TFDP2: variants seen among roughly 807,000 people sequenced by gnomAD.
TFDP2 encodes the protein transcription factor Dp-2 (E2F dimerization partner 2).
TFDP2 carries 17 observed loss-of-function variants against 59.3 expected under a neutral mutation model. The ratio of observed to expected loss-of-function variants is 0.29; its 90% CI spans 0.20 to 0.43. The LOEUF (loss-of-function observed/expected upper bound fraction) is 0.43, where lower values mean the gene tolerates loss of function less well. TFDP2 is among the 20% of genes least tolerant of loss of function. The pLI is 1.00. For synonymous variants in TFDP2, 180 were observed against 194.7 expected, an observed-to-expected ratio of 0.92 and a Z score of 0.63; for missense variants, 391 against 528.8, an observed-to-expected ratio of 0.74 and a Z score of 2.56.
chr3:142,087,179 G>A (rs1237933619), intron 3 of TFDP2, among the ~76,000 whole-genome samples: 1 of 152,216 alleles, frequency 6.6e-6, no homozygotes, highest in African/African-American at 2.4e-5. Flanking sequence ...AGTAGGAGCA[G>A]AGACTAATAT....
intron 3 of TFDP2, among the ~76,000 whole-genome samples, chr3:142,079,867 C>A (rs538494309): frequency 6.6e-6 from 1 of 152,180 alleles, no homozygotes; most frequent in Non-Finnish European, 1.5e-5. Flanking sequence ...TCATCAACAC[C>A]AGACCTGTTC....
At chr3:142,115,756 A>G (rs982459197) in intron 1 of TFDP2, among the ~76,000 whole-genome samples, 1 of 152,170 alleles carries the variant, frequency 6.6e-6, no homozygotes, top group African/African-American at 2.4e-5. Flanking sequence ...TAGATTTACT[A>G]TTGCTGTTAA....
At chr3:142,070,216 T>C (rs1475576067) in intron 3 of TFDP2, among the ~76,000 whole-genome samples, 1 of 152,178 alleles carries the variant, frequency 6.6e-6, no homozygotes, top group Non-Finnish European at 1.5e-5. Flanking sequence ...CCAAACTTCT[T>C]TTTTTCAATC....
chr3:142,109,270 G>T (rs1192536477), intron 1 of TFDP2, among the ~76,000 whole-genome samples: 1 of 151,868 alleles, frequency 6.6e-6, no homozygotes, highest in African/African-American at 2.4e-5. Flanking sequence ...TGACTTGGCA[G>T]CAGAAAATGA....
chr3:142,069,636 C>T (rs1483796642), intron 3 of TFDP2, among the ~76,000 whole-genome samples: 2 of 147,502 alleles, frequency 1.4e-5, no homozygotes, highest in Non-Finnish European at 3.0e-5. Flanking sequence ...GACGGAGTTT[C>T]GCTCTTGTTG....
At chr3:141,956,052 C>A (rs1936581943) in intron 11 of TFDP2, among the ~76,000 whole-genome samples, 1 of 152,136 alleles carries the variant, frequency 6.6e-6, no homozygotes, top group Non-Finnish European at 1.5e-5. Context: ...AAGTGATATG[C>A]CTGCCTCAGC....
intron 3 of TFDP2, among the ~76,000 whole-genome samples, chr3:142,080,143 T>C (rs956590971): frequency 1.3e-5 from 2 of 152,146 alleles, no homozygotes; most frequent in African/African-American, 4.8e-5. Flanking sequence ...CTTGTATTTT[T>C]AGTAGAGATG....
rs142975848 is a variant in TFDP2 at position 142,088,417 on chromosome 3, A to G, written c.82+4644T>C. Among the ~76,000 whole-genome samples the G allele has an allele frequency of 2.1e-3, 305 of 145,458 alleles. 1 individual carries two copies. The East Asian group carries it at 0.023, about 11-fold the overall frequency. The stretch of plus-strand genomic sequence containing the variant: ...GTGATCTTGACGCACTGCAACCTCC[A>G]CCTCCCGGGTTCAGGTGATTCTTGT... On this transcript the variant is annotated intron_variant, in intron 3 of 12. Coordinates refer to ENST00000489671, the MANE Select transcript of TFDP2 (RefSeq NM_001178139.2).
intron 9 of TFDP2, among the ~76,000 whole-genome samples, chr3:141,969,525 T>C (rs1230659859): frequency 6.6e-6 from 1 of 151,698 alleles, no homozygotes; most frequent in Non-Finnish European, 1.5e-5. Context: ...AGGCAGAGAA[T>C]GGCTTGAACC....
intron 3 of TFDP2, among the ~76,000 whole-genome samples, chr3:142,057,111 C>A (rs1335127093): frequency 6.6e-6 from 1 of 152,128 alleles, no homozygotes; most frequent in Non-Finnish European, 1.5e-5. Context: ...GTGACCTCAG[C>A]AAGAATGAGG....
At chr3:141,973,995 C>T in intron 8 of TFDP2, 53 bp downstream of exon 8, 1 of 1,534,116 alleles carries the variant, frequency 6.5e-7, no homozygotes, top group Non-Finnish European at 8.8e-7. Flanking sequence ...ATTAAAATGC[C>T]TGTGATGTAA....
At chr3:141,986,274 T>G (rs1356272512) in intron 6 of TFDP2, among the ~76,000 whole-genome samples, 1 of 152,224 alleles carries the variant, frequency 6.6e-6, no homozygotes, top group Admixed American at 6.5e-5. Flanking sequence ...AGTTTTTAAA[T>G]GCAAATTTTC....
intron 3 of TFDP2, among the ~76,000 whole-genome samples, chr3:142,014,538 A>C (rs1431704340): frequency 6.6e-6 from 1 of 152,128 alleles, no homozygotes; most frequent in Non-Finnish European, 1.5e-5. Context: ...CTGTATGTAA[A>C]CTATACCTTA....
intron 3 of TFDP2, among the ~76,000 whole-genome samples, chr3:142,033,316 T>C (rs565884494): frequency 6.6e-6 from 1 of 152,386 alleles, no homozygotes; most frequent in East Asian, 1.9e-4. Flanking sequence ...ACACTGTAGA[T>C]ATAGAACATT....
At chr3:142,052,765 C>T (rs1006370009) in intron 3 of TFDP2, among the ~76,000 whole-genome samples, 4 of 152,066 alleles carry the variant, frequency 2.6e-5, no homozygotes, top group African/African-American at 9.7e-5. Flanking sequence ...AGTTCCGCCT[C>T]CCAAGTAGCT....
In TFDP2 at chr3:141,968,435, T is replaced by C. The variant is rs1243452067; in HGVS notation, c.732+1638A>G. On this transcript the variant is annotated intron_variant, in intron 9 of 12. Coordinates refer to ENST00000489671, the MANE Select transcript of TFDP2 (RefSeq NM_001178139.2). ...ATAACATATATATCTCATATATAGATATATATAACATATATATCTCATATA... is the reference window on the plus strand; with the variant it reads ...ATAACATATATATCTCATATATAGACATATATAACATATATATCTCATATA... Among the ~76,000 whole-genome samples the C allele has an allele frequency of 9.2e-5, 8 of 87,210 alleles. 1 individual carries two copies. Among genetic ancestry groups the C allele is most frequent in the African/African-American group, 3.6e-4 (7 of 19,524 alleles). The allele number at this position is 87,210 out of a possible 152,430, so 57.2% of individuals were successfully genotyped here. A position where few individuals can be genotyped will look rare whatever the true frequency, so the allele number is the denominator to read the frequency against.
At chr3:142,029,930 TG>T (rs1372991797) in intron 3 of TFDP2, among the ~76,000 whole-genome samples, 5 of 152,254 alleles carry the variant, frequency 3.3e-5, no homozygotes, top group African/African-American at 1.2e-4. Flanking sequence ...CTCTCCTAGA[TG>T]ACTAAGGTAC....
At chr3:142,003,838 T>C (rs1212810798) in intron 4 of TFDP2, among the ~76,000 whole-genome samples, 1 of 152,130 alleles carries the variant, frequency 6.6e-6, no homozygotes, top group East Asian at 1.9e-4. Flanking sequence ...AAAATGCACA[T>C]TAGTTCAAAC....
intron 3 of TFDP2, among the ~76,000 whole-genome samples, chr3:142,084,952 G>A (rs753044158): frequency 4.0e-5 from 6 of 151,636 alleles, no homozygotes; most frequent in South Asian, 2.1e-4. Context: ...ACAGAGACTC[G>A]CTCTGTCGCC....
Sources: gnomAD v4.1 joint callset for allele counts (sites outside exome capture counted in the v4.1 genomes callset) on GRCh38, gnomAD v4.1.1 for gene constraint, MANE v1.5 for transcripts, NCBI Gene and HGNC (gene_info 2026-07-23, HGNC 2026-07-21) for gene names.